COL4A2: variants seen among roughly 807,000 people sequenced by gnomAD.
COL4A2 encodes the protein collagen type IV alpha 2 chain.
In COL4A2, 99 loss-of-function variants were observed where a neutral mutation model predicts 200.2. The observed-to-expected ratio is 0.49, with a 90% CI of 0.42 to 0.58. COL4A2 has a LOEUF of 0.58. Among genes scored for constraint, COL4A2 ranks in the 20% least tolerant of loss-of-function variants. The pLI is 0.00. For synonymous variants in COL4A2, 897 were observed against 900.6 expected (o/e 1.00, Z 0.07); for missense variants, 1,950 against 2,314.1 (o/e 0.84, Z 3.23).
At chr13:110,308,440 AGT>A (rs373577603) in intron 3 of COL4A2, among the ~76,000 whole-genome samples, 57 of 152,242 alleles carry the variant, frequency 3.7e-4, no homozygotes, top group African/African-American at 1.3e-3. Context: ...AGGCCAGGAA[AGT>A]GTGTCAGTCA....
At chr13:110,443,626 C>T (rs757077029) in intron 16 of COL4A2, among the ~76,000 whole-genome samples, 5 of 152,178 alleles carry the variant, frequency 3.3e-5, no homozygotes, top group Non-Finnish European at 5.9e-5. Flanking sequence ...AGTTTCAAAG[C>T]CCTTCACAGT....
At chr13:110,315,223 A>G (rs1455520364) in intron 3 of COL4A2, among the ~76,000 whole-genome samples, 3 of 152,346 alleles carry the variant, frequency 2.0e-5, no homozygotes, top group African/African-American at 7.2e-5. Flanking sequence ...ACACCTGCAC[A>G]TGGCTGGAGC....
At chr13:110,488,345 C>T (rs1047344730) in intron 34 of COL4A2, among the ~76,000 whole-genome samples, 10 of 152,126 alleles carry the variant, frequency 6.6e-5, no homozygotes, top group African/African-American at 1.4e-4. Context: ...AATACTGCAG[C>T]GACTCATGTT....
Position 110,504,974 on chromosome 13 carries a change from GA to G in COL4A2, c.4402+721del, listed in dbSNP as rs537837446. The stretch of plus-strand genomic sequence containing the variant: ...TAGGCCAGGAATAACAGCTATTCAT[GA>G]AAAAAAAAAACCTCAAAATTTGTCT... On this transcript the variant is annotated intron_variant, in intron 45 of 47. Coordinates refer to ENST00000360467, the MANE Select transcript of COL4A2 (RefSeq NM_001846.4). Among the ~76,000 whole-genome samples the G allele has an allele frequency of 1.5e-3, 211 of 145,056 alleles. 1 individual carries two copies. In the East Asian group the frequency reaches 0.024, roughly 16 times the overall value.
At chr13:110,379,615 C>T (rs1173476610) in intron 4 of COL4A2, among the ~76,000 whole-genome samples, 1 of 152,158 alleles carries the variant, frequency 6.6e-6, no homozygotes, top group Non-Finnish European at 1.5e-5. Flanking sequence ...CCGTGTCAGG[C>T]GGGTGCACAG....
intron 3 of COL4A2, among the ~76,000 whole-genome samples, chr13:110,355,604 CTG>C (rs1192648595): frequency 3.8e-5 from 2 of 52,308 alleles, no homozygotes; most frequent in Admixed American, 1.7e-4. Context: ...ACCAGCTCAC[CTG>C]TGTGTGTGGG....
In COL4A2 at chr13:110,492,745, T is replaced by C. The variant is rs112187351; in HGVS notation, c.3563-466T>C. 1.6e-4 allele frequency among the ~76,000 whole-genome samples: 25 copies of C among 152,338 alleles called. 1 individual carries two copies. Among genetic ancestry groups the C allele is most frequent in the African/African-American group, 4.8e-4 (20 of 41,582 alleles). On this transcript the variant is annotated intron_variant, in intron 38 of 47. Transcript: ENST00000360467. ...AGTGGCGAGGCGTCAAGAAGAGGCA[T>C]GGGACATGTCACTCCCCAGGCCCCT...
At chr13:110,467,142 A>G (rs2139505492) in intron 27 of COL4A2, 46 bp downstream of exon 27, 7 of 1,611,800 alleles carry the variant, frequency 4.3e-6, no homozygotes, top group Non-Finnish European at 5.9e-6. Flanking sequence ...TTCCTCCCAC[A>G]TCTTCACACT....
chr13:110,333,651 C>T (rs11619651), intron 3 of COL4A2, among the ~76,000 whole-genome samples: 12,914 of 152,224 alleles, frequency 0.085, 729 homozygotes, highest in African/African-American at 0.15. Context: ...GCTCACGAAC[C>T]GTGGTCCTGC....
In COL4A2 at chr13:110,382,934, A is replaced by T. The variant is rs149637881; in HGVS notation, c.180+25382A>T. ...TTTCTGTTTATATTAACCTTAAGAA[A>T]GAGTGTTCAGAATGGAGTTTGGCCA... is the stretch of plus-strand genomic sequence containing the variant. On this transcript the variant is annotated intron_variant, in intron 4 of 47. Transcript: ENST00000360467. Among the ~76,000 whole-genome samples, 1,262 of 152,368 alleles carry T rather than the reference A, an allele frequency of 8.3e-3. 12 individuals are homozygous for T. Among genetic ancestry groups the T allele is most frequent in the Non-Finnish European group, 0.01 (698 of 68,034 alleles).
In COL4A2 at chr13:110,506,469, T is replaced by G. The variant is rs754359533; in HGVS notation, c.4457T>G (p.Val1486Gly). Residue 1486 changes from valine to glycine, a missense_variant, in exon 46 of 48, where the codon GTC becomes GGC. Transcript: ENST00000360467. ...PGLPGMPGRSVSIGYLLVKHS... is the reference protein window; with the variant it reads ...PGLPGMPGRSGSIGYLLVKHS... The stretch of plus-strand genomic sequence containing the variant: ...CTGCCGGGTATGCCAGGCCGCAGCG[T>G]CAGCATCGGCTACCTCCTGGTGAAG... 2 of 1,613,014 alleles carry G rather than the reference T, an allele frequency of 1.2e-6. No individual in the cohort carries two copies. The highest frequency in any genetic ancestry group is 2.2e-5 in the South Asian group (2 of 90,912).
At chr13:110,487,742 G>C (rs1026098015) in intron 34 of COL4A2, among the ~76,000 whole-genome samples, 1 of 152,192 alleles carries the variant, frequency 6.6e-6, no homozygotes, top group Non-Finnish European at 1.5e-5. Flanking sequence ...ACACGATTCA[G>C]TTTCATCGAT....
At position 110,438,684 on chromosome 13, in the gene COL4A2, TA is replaced by T; in HGVS notation, c.912+17del. 6.2e-7 allele frequency: 1 copy of T among 1,614,228 alleles called. No homozygotes were observed. Among genetic ancestry groups the T allele is most frequent in the East Asian group, 2.2e-5 (1 of 44,888 alleles). ...TGGACTGAGGGTAAACCACGCCTTT[TA>T]TAACTGCAGTTGTCGGTTTGGTTTG... is the stretch of plus-strand genomic sequence containing the variant. On this transcript the variant is annotated intron_variant, in intron 15 of 47. Transcript: ENST00000360467.
At chr13:110,399,890 A>G (rs925715048) in intron 4 of COL4A2, among the ~76,000 whole-genome samples, 3 of 152,212 alleles carry the variant, frequency 2.0e-5, no homozygotes, top group African/African-American at 7.2e-5. Flanking sequence ...AAGCTTGATA[A>G]TTGCAGAAGT....
At chr13:110,464,838 C>T (rs1882170727) in intron 24 of COL4A2, among the ~76,000 whole-genome samples, 1 of 152,182 alleles carries the variant, frequency 6.6e-6, no homozygotes, top group Admixed American at 6.5e-5. Flanking sequence ...CTCCCCACCC[C>T]ATCCCTGCAC....
chr13:110,511,825 A>G (rs1009625752), intron 47 of COL4A2, 109 bp from the exon 48 acceptor site: 1 of 1,540,292 alleles, frequency 6.5e-7, no homozygotes, highest in Non-Finnish European at 8.8e-7. Flanking sequence ...ATTGACACTC[A>G]TGGTTTGCTG....
Position 110,424,879 on chromosome 13 carries a change from C to T in COL4A2, c.315+11C>T. 1.9e-6 allele frequency: 3 copies of T among 1,614,162 alleles called. No individual in the cohort carries two copies. Among genetic ancestry groups the T allele is most frequent in the Non-Finnish European group, 2.5e-6 (3 of 1,180,010 alleles). Reference sequence around the variant, plus strand: ...CCCAAGGGCGACGTGGTACGCACCGCTGGTGTATTCCCCTGGCCTCATGAG... The same window carrying T: ...CCCAAGGGCGACGTGGTACGCACCGTTGGTGTATTCCCCTGGCCTCATGAG... On this transcript the variant is annotated intron_variant, in intron 5 of 47. Coordinates refer to ENST00000360467, the MANE Select transcript of COL4A2 (RefSeq NM_001846.4).
chr13:110,491,406 G>A (rs776684185), intron 37 of COL4A2, 66 bp downstream of exon 37: 24 of 1,088,012 alleles, frequency 2.2e-5, no homozygotes, highest in South Asian at 1.1e-4. Flanking sequence ...GAACAAAGGC[G>A]GTCAACATTG....
At chr13:110,348,333 T>C (rs979157316) in intron 3 of COL4A2, among the ~76,000 whole-genome samples, 5 of 152,356 alleles carry the variant, frequency 3.3e-5, no homozygotes, top group Non-Finnish European at 7.3e-5. Context: ...CTTGAAGTAC[T>C]GTTAAACAAA....
Sources: allele counts gnomAD v4.1 joint callset (sites outside exome capture counted in the v4.1 genomes callset), GRCh38; gene constraint gnomAD v4.1.1; transcripts MANE v1.5; gene names NCBI Gene and HGNC (gene_info 2026-07-23, HGNC 2026-07-21).